DNAAF2: variants seen among roughly 807,000 people sequenced by gnomAD.
The protein encoded by DNAAF2 is protein kintoun.
In DNAAF2, 58 loss-of-function variants were observed where a neutral mutation model predicts 48.8. The observed-to-expected ratio is 1.19, with a 90% CI of 0.96 to 1.48. The LOEUF is 1.48. DNAAF2 is among the 40% of genes most tolerant of loss of function. The pLI, the probability that DNAAF2 is intolerant of heterozygous loss-of-function variation, is 0.00. For missense variants in DNAAF2, 1,241 were observed against 1,116.1 expected (o/e 1.11, Z -1.59); for synonymous variants, 567 against 481.2 (o/e 1.18, Z -2.33).
chr14:49,627,211 A>C (rs1344608706), intron 2 of DNAAF2, among the ~76,000 whole-genome samples: 1 of 152,194 alleles, frequency 6.6e-6, no homozygotes, highest in Non-Finnish European at 1.5e-5. Flanking sequence ...ACTATTTAAC[A>C]GTTATAAGCA....
At position 49,634,077 on chromosome 14, in the gene DNAAF2, G is replaced by T; in HGVS notation, c.1073C>A (p.Ala358Asp). ...CGGCGCGGCGGCGGCGACGGCGACA[G>T]CGGGCTCCCGGCGCGCGGCCGGCAG... ...VVLPAARREPAVAVAAAAPEE... is the reference protein window; with the variant it reads ...VVLPAARREPDVAVAAAAPEE... The change falls in exon 1 of 3, where the codon GCT becomes GAT. Residue 358 changes from alanine (A) to aspartate (D), a missense_variant. Ala to Asp is a moderately radical substitution (Grantham distance 126). Transcript: ENST00000298292. 1 of 1,536,612 alleles carries T rather than the reference G, an allele frequency of 6.5e-7. No individual in the cohort carries two copies. Among genetic ancestry groups the T allele is most frequent in the African/African-American group, 1.4e-5 (1 of 72,530 alleles).
At chr14:49,631,601 C>A (rs553145188) in intron 1 of DNAAF2, among the ~76,000 whole-genome samples, 1 of 152,024 alleles carries the variant, frequency 6.6e-6, no homozygotes, top group African/African-American at 2.4e-5. Context: ...CCAGTCTGGG[C>A]GACGGTGCAA....
chr14:49,630,756 C>CACACACACACACA (rs1555327722), intron 1 of DNAAF2, among the ~76,000 whole-genome samples: 19 of 138,854 alleles, frequency 1.4e-4, no homozygotes, highest in Admixed American at 7.3e-4. Context: ...CACACACACA[C>CACACACACACACA]TTTTTTTTTT....
chr14:49,628,646 G>A (rs1004970826), intron 1 of DNAAF2, among the ~76,000 whole-genome samples: 1 of 152,010 alleles, frequency 6.6e-6, no homozygotes, highest in Non-Finnish European at 1.5e-5. Flanking sequence ...GTAGAGATGG[G>A]GTTTTACCAT....
In DNAAF2 at chr14:49,634,447, CGGGGGCT is replaced by C. The variant is rs1555328047; in HGVS notation, c.696_702del (p.Ala233GlyfsTer50). The C allele has an allele frequency of 6.4e-7, 1 of 1,555,854 alleles. No individual in the cohort carries two copies. The highest frequency in any genetic ancestry group is 1.1e-5 in the South Asian group (1 of 87,420). ...TCCGGAGGGGAGGGCGCCCGGGGCC[CGGGGGCT>C]GCCGGGTACTGGTAAGGGTAGGGGA... is the stretch of plus-strand genomic sequence containing the variant. On this transcript the variant is annotated frameshift_variant, in exon 1 of 3. Coordinates refer to ENST00000298292, the MANE Select transcript of DNAAF2 (RefSeq NM_018139.3). LOFTEE classifies it high-confidence loss of function.
Position 49,635,092 on chromosome 14 carries a change from C to G in DNAAF2, c.58G>C (p.Val20Leu), listed in dbSNP as rs572322476. The change falls in exon 1 of 3, where the codon GTC becomes CTC. Residue 20 changes from valine (V) to leucine (L), a missense_variant. Physicochemically the swap from Val to Leu is conservative, Grantham distance 32. Coordinates refer to ENST00000298292, the MANE Select transcript of DNAAF2 (RefSeq NM_018139.3). ...TGGAAGGCGGAGGTGAGCCGCTGGA[C>G]CTCCTCTCCGCTCAGGTCCAAGTCC... ...LEDLDLSGEEVQRLTSAFQDP... is the reference protein window; with the variant it reads ...LEDLDLSGEELQRLTSAFQDP... 116 of 1,581,924 alleles carry G rather than the reference C, an allele frequency of 7.3e-5. No individual in the cohort carries two copies. In the Admixed American group the frequency reaches 1.4e-3, roughly 19 times the overall value.
intron 1 of DNAAF2, 77 bp from the exon 2 acceptor site, chr14:49,628,232 A>T (rs1162139847): frequency 6.8e-6 from 8 of 1,178,588 alleles, no homozygotes; most frequent in Non-Finnish European, 9.6e-6. Flanking sequence ...CAGCTCACAA[A>T]AATTCTCACA....
intron 2 of DNAAF2, among the ~76,000 whole-genome samples, chr14:49,626,523 CTTTT>C (rs1283619754): frequency 1.3e-5 from 2 of 152,068 alleles, no homozygotes; most frequent in Non-Finnish European, 2.9e-5. Flanking sequence ...TGAAGGATGA[CTTTT>C]TTTGTTTTGA....
chr14:49,634,474 A>C lies in DNAAF2; in HGVS notation c.676T>G (p.Tyr226Asp), dbSNP rs566190340. The C allele has an allele frequency of 1.3e-6, 2 of 1,580,158 alleles. No individual in the cohort carries two copies. Among genetic ancestry groups the C allele is most frequent in the African/African-American group, 2.7e-5 (2 of 74,432 alleles). Residue 226 changes from tyrosine (Y) to aspartate (D), a missense_variant, in exon 1 of 3, where the codon TAC (tyrosine) becomes GAC (aspartate). By Grantham distance (160) the Tyr-to-Asp change is radical (BLOSUM62 -3). Transcript: ENST00000298292. ...EPKGPLPDFP[Y>D]PYQYPAAPGP... is the part of the protein sequence containing the mutation. ...GGGGCTGCCGGGTACTGGTAAGGGTAGGGGAAGTCCGGGAGAGGACCCTTC... is the reference window on the plus strand; with the variant it reads ...GGGGCTGCCGGGTACTGGTAAGGGTCGGGGAAGTCCGGGAGAGGACCCTTC...
chr14:49,630,669 C>CCACACACACACACATACACA (rs1883128062), intron 1 of DNAAF2, among the ~76,000 whole-genome samples: 1 of 132,486 alleles, frequency 7.5e-6, no homozygotes, highest in Non-Finnish European at 1.6e-5. Flanking sequence ...AACTCTCTCT[C>CCACACACACACACATACACA]CACACACACA....
At chr14:49,630,219 C>T (rs906564714) in intron 1 of DNAAF2, among the ~76,000 whole-genome samples, 1 of 138,536 alleles carries the variant, frequency 7.2e-6, no homozygotes, top group African/African-American at 2.7e-5. Flanking sequence ...TGAGACAGAG[C>T]GAGACTCTGT....
In DNAAF2 at chr14:49,628,116, G is replaced by A. The variant is rs1883058240; in HGVS notation, c.1903C>T (p.Leu635Phe). The change falls in exon 2 of 3, where the codon CTT becomes TTT. Residue 635 changes from leucine (L) to phenylalanine (F), a missense_variant. Leu to Phe is a conservative substitution (Grantham distance 22, BLOSUM62 0). Transcript: ENST00000298292. ...FVNEENVNEF[L>F]EEVLSSPFKQ... is the part of the protein sequence containing the mutation. ...AATGGAGAGCTCAGGACCTCTTCAA[G>A]AAACTCATTAACATTTTCTTCATTG... 6.3e-7 allele frequency: 1 copy of A among 1,592,510 alleles called. No homozygotes were observed. The highest frequency in any genetic ancestry group is 2.2e-5 in the East Asian group (1 of 44,536).
At position 49,634,900 on chromosome 14, in the gene DNAAF2, C is replaced by G. The variant is rs566365192; in HGVS notation, c.250G>C (p.Gly84Arg). Residue 84 changes from glycine (G) to arginine (R), a missense_variant, in exon 1 of 3, where the codon GGG becomes CGG. Gly to Arg is a moderately radical substitution (Grantham distance 125). Coordinates refer to ENST00000298292, the MANE Select transcript of DNAAF2 (RefSeq NM_018139.3). ...PGHVLRTSLD[G>R]ARRCFVNVCS... ...ACATTCACAAAGCAGCGCCGCGCCCCGTCCAGGCTGGTGCGCAGCACATGG... is the reference window on the plus strand; with the variant it reads ...ACATTCACAAAGCAGCGCCGCGCCCGGTCCAGGCTGGTGCGCAGCACATGG... 28 of 1,550,590 alleles carry G rather than the reference C, an allele frequency of 1.8e-5. 1 individual carries two copies. The highest frequency in any genetic ancestry group is 1.8e-4 in the South Asian group (15 of 84,176).
At chr14:49,631,347 C>T (rs780162062) in intron 1 of DNAAF2, among the ~76,000 whole-genome samples, 1 of 152,100 alleles carries the variant, frequency 6.6e-6, no homozygotes, top group East Asian at 1.9e-4. Flanking sequence ...GATTTGCAGC[C>T]GGGCGCGGTG....
chr14:49,627,951 ATT>A, intron 2 of DNAAF2, 59 bp downstream of exon 2: 1 of 1,426,104 alleles, frequency 7.0e-7, no homozygotes, highest in Non-Finnish European at 9.3e-7. Context: ...GAAATCAATA[ATT>A]TGTTAGGTTT....
Position 49,634,530 on chromosome 14 carries a change from C to T in DNAAF2, c.620G>A (p.Gly207Glu), listed in dbSNP as rs751429432. 6.2e-6 allele frequency: 10 copies of T among 1,602,076 alleles called. No homozygotes were observed. The Admixed American group carries it at 1.3e-4, about 21-fold the overall frequency. ...EAAVLRTPLP[G>E]VIPARPDGEP... The stretch of plus-strand genomic sequence containing the variant: ...CCCGTCAGGCCTTGCGGGGATGACC[C>T]CGGGCAGGGGCGTGCGCAGCACCGC... The change falls in exon 1 of 3, where the codon GGG becomes GAG. Residue 207 changes from glycine (G) to glutamate (E), a missense_variant. Physicochemically the swap from Gly to Glu is moderately conservative, Grantham distance 98. Transcript: ENST00000298292.
At position 49,633,670 on chromosome 14, in the gene DNAAF2, T is replaced by G; in HGVS notation, c.1480A>C (p.Thr494Pro). The G allele has an allele frequency of 6.2e-7, 1 of 1,610,966 alleles. No individual in the cohort carries two copies. Among genetic ancestry groups the G allele is most frequent in the Non-Finnish European group, 8.5e-7 (1 of 1,178,094 alleles). Residue 494 changes from threonine (T) to proline (P), a missense_variant, in exon 1 of 3, where the codon ACA becomes CCA. Physicochemically the swap from Thr to Pro is conservative, Grantham distance 38 (BLOSUM62 -1). Coordinates refer to ENST00000298292, the MANE Select transcript of DNAAF2 (RefSeq NM_018139.3). Reference sequence around the variant, plus strand: ...CCCGTGCCCTCCGACTCCTCGCGTGTTTCCACACTGCTATCTCCGCGCGCA... The same window carrying G: ...CCCGTGCCCTCCGACTCCTCGCGTGGTTCCACACTGCTATCTCCGCGCGCA... ...ESARGDSSVE[T>P]REESEGTGGQ... is the part of the protein sequence containing the mutation.
Position 49,634,918 on chromosome 14 carries a change from G to T in DNAAF2, c.232C>A (p.Leu78Met). The change falls in exon 1 of 3, where the codon CTG becomes ATG. Residue 78 changes from leucine to methionine, a missense_variant. Coordinates refer to ENST00000298292, the MANE Select transcript of DNAAF2 (RefSeq NM_018139.3). ...CGCGCCCCGTCCAGGCTGGTGCGCA[G>T]CACATGGCCGGGCTCCGGGTGCACG... ...RFVHPEPGHVLRTSLDGARRC... is the reference protein window; with the variant it reads ...RFVHPEPGHVMRTSLDGARRC... The T allele has an allele frequency of 6.4e-7, 1 of 1,552,736 alleles. No individual in the cohort carries two copies. Among genetic ancestry groups the T allele is most frequent in the Non-Finnish European group, 8.7e-7 (1 of 1,148,008 alleles).
At position 49,627,349 on chromosome 14, in the gene DNAAF2, T is replaced by C. The variant is rs147347590; in HGVS notation, c.2007+663A>G. On this transcript the variant is annotated intron_variant, in intron 2 of 2. Transcript: ENST00000298292. ...TCTTCAATACTGAAGACTATAAAAA[T>C]GACCAAAATTAAGATTGAATTAGAA... 7.5e-3 allele frequency among the ~76,000 whole-genome samples: 1,141 copies of C among 152,304 alleles called. 17 individuals are homozygous for C. Among genetic ancestry groups the C allele is most frequent in the African/African-American group, 0.026 (1,082 of 41,562 alleles).
Sources: allele counts gnomAD v4.1 joint callset (sites outside exome capture counted in the v4.1 genomes callset), GRCh38; gene constraint gnomAD v4.1.1; transcripts MANE v1.5; gene names NCBI Gene and HGNC (gene_info 2026-07-23, HGNC 2026-07-21).